ROBO2: variants seen among roughly 807,000 people sequenced by gnomAD.
The protein encoded by ROBO2 is roundabout guidance receptor 2.
In ROBO2, 53 loss-of-function variants were observed where a neutral mutation model predicts 160.8. The observed-to-expected ratio is 0.33, with a 90% CI of 0.26 to 0.41. The LOEUF (loss-of-function observed/expected upper bound fraction) is 0.41. Among genes scored for constraint, ROBO2 ranks in the 10% least tolerant of loss-of-function variants. The probability of loss-of-function intolerance (pLI) is 1.00; values close to 1 mark genes in which losing one functional copy is unlikely to be tolerated. For missense variants in ROBO2, 1,577 were observed against 1,722.4 expected, an observed-to-expected ratio of 0.92 and a Z score of 1.49; for synonymous variants, 664 against 611.7, an observed-to-expected ratio of 1.09 and a Z score of -1.26.
At chr3:76,057,661 T>C (rs2067898052) in intron 2 of ROBO2, among the ~76,000 whole-genome samples, 1 of 152,182 alleles carries the variant, frequency 6.6e-6, no homozygotes. Context: ...GGAACCGTAT[T>C]ATACAGAGCT....
intron 2 of ROBO2, chr3:76,434,553 A>T: frequency 6.3e-7 from 1 of 1,586,920 alleles, no homozygotes; most frequent in East Asian, 2.2e-5. Context: ...GTCAAAGCTT[A>T]TTTAAGTATA....
chr3:76,120,838 TAAG>T (rs2070721804), intron 2 of ROBO2, among the ~76,000 whole-genome samples: 1 of 152,204 alleles, frequency 6.6e-6, no homozygotes, highest in South Asian at 2.1e-4. Flanking sequence ...CTAAGCTGTG[TAAG>T]GTATTGTAGT....
upstream of ROBO2, among the ~76,000 whole-genome samples, chr3:77,039,255 A>T (rs2063832717): frequency 6.6e-6 from 1 of 152,282 alleles, no homozygotes; most frequent in Non-Finnish European, 1.5e-5. Flanking sequence ...CCAGTCCAAA[A>T]GGTGCTTCTA....
chr3:76,736,058 C>T (rs1297394540), intron 2 of ROBO2, among the ~76,000 whole-genome samples: 5 of 151,590 alleles, frequency 3.3e-5, no homozygotes, highest in South Asian at 4.2e-4. Flanking sequence ...CCGAGGCGGG[C>T]GGATCACGAG....
In ROBO2 at chr3:76,608,369, G is replaced by A. The variant is rs564808705; in HGVS notation, c.110-489645G>A. Among the ~76,000 whole-genome samples, 43 of 152,292 alleles carry A rather than the reference G, an allele frequency of 2.8e-4. 1 individual carries two copies. The highest frequency in any genetic ancestry group is 6.8e-3 in the Middle Eastern group (2 of 294). Reference sequence around the variant, plus strand: ...CTTGGCAAAGACCTTCAGATTGAACGTGGAAGGAAAGACAAAATTAAAATA... The same window carrying A: ...CTTGGCAAAGACCTTCAGATTGAACATGGAAGGAAAGACAAAATTAAAATA... On this transcript the variant is annotated intron_variant, in intron 2 of 26. Transcript: ENST00000487694.
chr3:76,452,871 C>T (rs1317283201), intron 2 of ROBO2, among the ~76,000 whole-genome samples: 2 of 152,102 alleles, frequency 1.3e-5, no homozygotes, highest in Non-Finnish European at 2.9e-5. Context: ...GCCATTCTAA[C>T]GGGTGTGAGA....
intron 2 of ROBO2, among the ~76,000 whole-genome samples, chr3:77,281,828 G>A (rs190505945): frequency 5.9e-5 from 9 of 152,152 alleles, no homozygotes; most frequent in Admixed American, 5.2e-4. Flanking sequence ...TAAGGAGCAG[G>A]CAACCTAGAT....
chr3:77,471,332 C>A (rs2083327608), intron 2 of ROBO2, among the ~76,000 whole-genome samples: 1 of 152,090 alleles, frequency 6.6e-6, no homozygotes, highest in Admixed American at 6.5e-5. Flanking sequence ...AAGCAGGAGC[C>A]AAAGATATAA....
intron 2 of ROBO2, among the ~76,000 whole-genome samples, chr3:76,308,549 A>G (rs2071430548): frequency 6.6e-6 from 1 of 152,084 alleles, no homozygotes; most frequent in African/African-American, 2.4e-5. Context: ...GCATTTCTAA[A>G]CTCATACTTT....
chr3:77,412,306 G>C (rs2076869228), intron 2 of ROBO2, among the ~76,000 whole-genome samples: 1 of 152,218 alleles, frequency 6.6e-6, no homozygotes, highest in Admixed American at 6.5e-5. Context: ...GAAGTTGCAT[G>C]CTGGAAAACT....
chr3:76,943,038 G>T (rs931891447), intron 2 of ROBO2, among the ~76,000 whole-genome samples: 2 of 152,144 alleles, frequency 1.3e-5, no homozygotes, highest in African/African-American at 4.8e-5. Context: ...TTAGAACAAT[G>T]TTTCTCCTCC....
intron 2 of ROBO2, among the ~76,000 whole-genome samples, chr3:77,375,207 G>C (rs2072460142): frequency 6.6e-6 from 1 of 152,318 alleles, no homozygotes; most frequent in Middle Eastern, 3.4e-3. Flanking sequence ...GCAAGACCTT[G>C]TCTCTAACAA....
In ROBO2 at chr3:77,319,235, CT is replaced by C. The variant is rs2064403099; in HGVS notation, c.389-158178del. On this transcript the variant is annotated intron_variant, in intron 2 of 25. Transcript: ENST00000461745. The stretch of plus-strand genomic sequence containing the variant: ...AAGTAAAAGATAAAGTCACAGAACT[CT>C]GGTTCATTTTATGCATACATTATTC... Among the ~76,000 whole-genome samples the C allele has an allele frequency of 3.3e-5, 5 of 152,140 alleles. No individual in the cohort carries two copies. The South Asian group carries it at 1.0e-3, about 32-fold the overall frequency.
At chr3:76,179,783 GT>G (rs965457995) in intron 2 of ROBO2, among the ~76,000 whole-genome samples, 67 of 152,196 alleles carry the variant, frequency 4.4e-4, no homozygotes, top group Middle Eastern at 3.4e-3. Context: ...ACTTGGCTTG[GT>G]TTTTCCTATA....
chr3:76,129,932 C>G (rs1183647491), intron 2 of ROBO2, among the ~76,000 whole-genome samples: 1 of 151,914 alleles, frequency 6.6e-6, no homozygotes, highest in African/African-American at 2.4e-5. Context: ...GCTGAATCAC[C>G]TGATGGATCT....
chr3:76,370,546 A>AC (rs1427698021), intron 2 of ROBO2, among the ~76,000 whole-genome samples: 3 of 151,846 alleles, frequency 2.0e-5, no homozygotes, highest in African/African-American at 4.8e-5. Flanking sequence ...ATCACAAATA[A>AC]CCCCATGGCC....
intron 2 of ROBO2, among the ~76,000 whole-genome samples, chr3:76,359,146 C>T (rs1392274918): frequency 6.6e-6 from 1 of 151,764 alleles, no homozygotes; most frequent in Non-Finnish European, 1.5e-5. Flanking sequence ...TGTGTGTGTG[C>T]CACATTTTCT....
At chr3:77,097,210 C>G (rs1175767253) in intron 1 of ROBO2, among the ~76,000 whole-genome samples, 1 of 152,154 alleles carries the variant, frequency 6.6e-6, no homozygotes, top group African/African-American at 2.4e-5. Context: ...ACTGTCATTT[C>G]CTTGTCCTTT....
chr3:77,549,247 G>A (rs1358433047), intron 7 of ROBO2, among the ~76,000 whole-genome samples: 6 of 151,948 alleles, frequency 3.9e-5, no homozygotes, highest in African/African-American at 1.4e-4. Flanking sequence ...AAGCCATCCC[G>A]TAGAGAATAA....
Sources: gnomAD v4.1 joint callset for allele counts (sites outside exome capture counted in the v4.1 genomes callset) on GRCh38, gnomAD v4.1.1 for gene constraint, MANE v1.5 for transcripts, NCBI Gene and HGNC (gene_info 2026-07-23, HGNC 2026-07-21) for gene names.